The following ARHGAP6 variants were observed in gnomAD, a reference collection of about 807,000 sequenced individuals.
ARHGAP6 encodes the protein rho GTPase-activating protein 6.
ARHGAP6 carries 16 observed loss-of-function variants against 55.7 expected under a neutral mutation model. The ratio of observed to expected loss-of-function variants is 0.29; its 90% CI spans 0.19 to 0.44. The LOEUF is 0.44. ARHGAP6 is among the 20% of genes least tolerant of loss of function. The pLI is 1.00. For missense variants in ARHGAP6, 698 were observed against 808.9 expected (o/e 0.86, Z 1.66); for synonymous variants, 382 against 360.9 (o/e 1.06, Z -0.66).
intron 1 of ARHGAP6, among the ~76,000 whole-genome samples, chrX:11,520,075 C>T (rs1424510032): frequency 4.6e-5 from 4 of 87,564 alleles, no homozygotes; most frequent in African/African-American, 1.7e-4. Context: ...AGAAAATTTT[C>T]ACAACCTTCT....
At chrX:11,376,096 A>G (rs1049160600) in intron 1 of ARHGAP6, among the ~76,000 whole-genome samples, 1 of 111,915 alleles carries the variant, frequency 8.9e-6, no homozygotes, top group Non-Finnish European at 1.9e-5. Flanking sequence ...GTAAATACAG[A>G]AGAGAGAAAA....
At chrX:11,243,868 G>A (rs1276433870) in intron 2 of ARHGAP6, among the ~76,000 whole-genome samples, 1 of 112,179 alleles carries the variant, frequency 8.9e-6, no homozygotes, top group Non-Finnish European at 1.9e-5. Context: ...ATGCTGTATA[G>A]GTTTATAGCC....
At chrX:11,243,783 T>C (rs1336743509) in intron 2 of ARHGAP6, among the ~76,000 whole-genome samples, 1 of 112,328 alleles carries the variant, frequency 8.9e-6, no homozygotes, top group Non-Finnish European at 1.9e-5. Flanking sequence ...ATATTTCTAC[T>C]ATGCCTTTTC....
At chrX:11,632,354 C>T (rs369823782) in intron 1 of ARHGAP6, among the ~76,000 whole-genome samples, 1 of 112,087 alleles carries the variant, frequency 8.9e-6, no homozygotes, top group Non-Finnish European at 1.9e-5. Flanking sequence ...TACTTCATTT[C>T]CCAATAATAC....
chrX:11,262,686 A>G (rs1255080638), intron 1 of ARHGAP6, among the ~76,000 whole-genome samples: 2 of 111,487 alleles, frequency 1.8e-5, no homozygotes, highest in African/African-American at 6.5e-5. Flanking sequence ...TTAGAGAATT[A>G]GAGTCACAGG....
intron 1 of ARHGAP6, among the ~76,000 whole-genome samples, chrX:11,558,029 T>C (rs2051339522): frequency 1.8e-5 from 2 of 111,943 alleles, no homozygotes; most frequent in Non-Finnish European, 3.8e-5. Flanking sequence ...GGCCCCATCA[T>C]CTGGAATTAT....
chrX:11,575,014 A>G (rs182502783), intron 1 of ARHGAP6, among the ~76,000 whole-genome samples: 1 of 112,446 alleles, frequency 8.9e-6, no homozygotes, highest in East Asian at 2.8e-4. Flanking sequence ...ACAAGAAGAC[A>G]GAGATGGCTC....
At chrX:11,322,028 T>C (rs1023705644) in intron 1 of ARHGAP6, among the ~76,000 whole-genome samples, 4 of 112,223 alleles carry the variant, frequency 3.6e-5, no homozygotes, top group African/African-American at 1.3e-4. Context: ...AGTAAGACTG[T>C]TGGCATACCC....
intron 1 of ARHGAP6, among the ~76,000 whole-genome samples, chrX:11,485,040 A>G (rs34503728): frequency 2.7e-5 from 3 of 110,167 alleles, no homozygotes. Flanking sequence ...ACAACAACAA[A>G]AAAAAAACAT....
intron 1 of ARHGAP6, among the ~76,000 whole-genome samples, chrX:11,647,332 T>C (rs1040476330): frequency 1.2e-4 from 13 of 112,186 alleles, no homozygotes; most frequent in African/African-American, 3.5e-4. Context: ...AAAGCTTAGC[T>C]CTTCCTCCCC....
At chrX:11,557,759 C>T (rs2051336737) in intron 1 of ARHGAP6, among the ~76,000 whole-genome samples, 1 of 112,158 alleles carries the variant, frequency 8.9e-6, no homozygotes, top group African/African-American at 3.2e-5. Context: ...TTTATAGGTG[C>T]CACAATATAA....
intron 2 of ARHGAP6, among the ~76,000 whole-genome samples, chrX:11,234,490 A>AAGTG (rs2047173142): frequency 8.9e-6 from 1 of 112,653 alleles, no homozygotes; most frequent in Admixed American, 9.4e-5. Context: ...CTCAAATATC[A>AAGTG]AGTGAATGAA....
At chrX:11,338,329 T>G (rs140043423) in intron 1 of ARHGAP6, among the ~76,000 whole-genome samples, 1 of 111,951 alleles carries the variant, frequency 8.9e-6, no homozygotes, top group East Asian at 2.8e-4. Flanking sequence ...ATTTGAATCT[T>G]ACTTGGCATT....
chrX:11,327,321 G>A (rs1349028980), intron 1 of ARHGAP6, among the ~76,000 whole-genome samples: 1 of 112,318 alleles, frequency 8.9e-6, no homozygotes, highest in African/African-American at 3.2e-5. Context: ...AGACTTGTAA[G>A]GGAAAAGTTT....
At chrX:11,511,889 T>C (rs754586546) in intron 1 of ARHGAP6, among the ~76,000 whole-genome samples, 4 of 111,297 alleles carry the variant, frequency 3.6e-5, no homozygotes, top group Non-Finnish European at 5.7e-5. Flanking sequence ...TCCAGTGGCA[T>C]GATCTCAGCT....
At chrX:11,519,097 A>G (rs1257244799) in intron 1 of ARHGAP6, among the ~76,000 whole-genome samples, 5 of 94,808 alleles carry the variant, frequency 5.3e-5, no homozygotes, top group African/African-American at 1.7e-4. Flanking sequence ...ATAAACATAC[A>G]TGTGCATGTG....
At chrX:11,444,938 A>C (rs1351641076) in intron 1 of ARHGAP6, among the ~76,000 whole-genome samples, 1 of 111,002 alleles carries the variant, frequency 9.0e-6, no homozygotes, top group Non-Finnish European at 1.9e-5. Flanking sequence ...GGCTTCTTCA[A>C]CTCTCTTGTT....
At chrX:11,176,236 T>G (rs1602783650) in intron 8 of ARHGAP6, among the ~76,000 whole-genome samples, 1 of 55,964 alleles carries the variant, frequency 1.8e-5, no homozygotes, top group South Asian at 1.1e-3. Context: ...GATTTGCATA[T>G]ATATATATAT....
At chrX:11,311,085 C>T (rs1408535517) in intron 1 of ARHGAP6, among the ~76,000 whole-genome samples, 3 of 111,250 alleles carry the variant, frequency 2.7e-5, no homozygotes, top group African/African-American at 9.8e-5. Flanking sequence ...CTTTTTTGAG[C>T]ACTTAAACAA....
Sources: gnomAD v4.1 joint callset for allele counts (sites outside exome capture counted in the v4.1 genomes callset) on GRCh38, gnomAD v4.1.1 for gene constraint, MANE v1.5 for transcripts, NCBI Gene and HGNC (gene_info 2026-07-23, HGNC 2026-07-21) for gene names.